Variants in GLDC observed in about 807,000 individuals in gnomAD.
The protein encoded by GLDC is glycine dehydrogenase (decarboxylating), mitochondrial.
GLDC carries 104 observed loss-of-function variants against 121.3 expected under a neutral mutation model. That is an observed-to-expected ratio of 0.86 (90% CI 0.73 to 1.01). The LOEUF is 1.01. GLDC is among the 50% of genes least tolerant of loss of function. The probability of loss-of-function intolerance (pLI) is 0.00; values close to 1 mark genes in which losing one functional copy is unlikely to be tolerated. For synonymous variants in GLDC, 546 were observed against 480.6 expected (o/e 1.14, Z -1.78); for missense variants, 1,429 against 1,306.6 (o/e 1.09, Z -1.44).
At chr9:6,611,239 C>A (rs1346201407) in intron 3 of GLDC, among the ~76,000 whole-genome samples, 2 of 152,194 alleles carry the variant, frequency 1.3e-5, no homozygotes, top group Non-Finnish European at 2.9e-5. Context: ...AAGAATGTGG[C>A]TTTGGATATG....
chr9:6,532,677 A>G lies in GLDC; in HGVS notation c.*340T>C, dbSNP rs889934324. 1 of 316,084 alleles carries G rather than the reference A, an allele frequency of 3.2e-6. No individual in the cohort carries two copies. The highest frequency in any genetic ancestry group is 6.1e-6 in the Non-Finnish European group (1 of 164,264). 19.6% of individuals were successfully genotyped at this position (316,084 alleles called of 1,614,324 possible). ...CCACATGGACTCTTTTGGAACAAAA[A>G]AATGTCTATTAAGTCTCCAGGATAG... On this transcript the variant is annotated 3_prime_UTR_variant, in exon 25 of 25. Transcript: ENST00000321612.
rs367971072 is a variant in GLDC at position 6,606,584 on chromosome 9, T to C, written c.713+8A>G. 2.0e-6 allele frequency: 3 copies of C among 1,536,336 alleles called. No homozygotes were observed. The African/African-American group carries it at 4.1e-5, about 21-fold the overall frequency. ...TACTGAGTTTAAAACACGAATCAAA[T>C]TAATTACTTGGCTCGAGTCTGGACA... On this transcript the variant is annotated splice_region_variant and intron_variant, in intron 5 of 24. Transcript: ENST00000321612.
chr9:6,570,982 G>A (rs567700756), intron 15 of GLDC, among the ~76,000 whole-genome samples: 1 of 151,718 alleles, frequency 6.6e-6, no homozygotes, highest in East Asian at 1.9e-4. Context: ...TAAATATGAG[G>A]TGAATTTGTT....
chr9:6,628,313 G>A (rs1248743408), intron 2 of GLDC, among the ~76,000 whole-genome samples: 2 of 152,142 alleles, frequency 1.3e-5, no homozygotes, highest in African/African-American at 4.8e-5. Context: ...TGGGAAAAGG[G>A]AAAAAGAAAA....
Position 6,620,186 on chromosome 9 carries a change from T to C in GLDC, c.468A>G (p.Gly156=), listed in dbSNP as rs2129948789. Residue 156 remains glycine (G), a splice_region_variant and synonymous_variant, in exon 3 of 25, where the codon GGA becomes GGG. Transcript: ENST00000321612. The part of the protein sequence containing the change: ...TILRNLLENS[G]WITQYTPYQP... ...TCCTGAACTGAGAAATACATTACCA[T>C]CCTGAGTTCTCCAGTAAGTTCCGCA... The C allele has an allele frequency of 1.9e-6, 3 of 1,612,496 alleles. No individual in the cohort carries two copies. Among genetic ancestry groups the C allele is most frequent in the Non-Finnish European group, 2.5e-6 (3 of 1,179,716 alleles).
intron 2 of GLDC, among the ~76,000 whole-genome samples, chr9:6,622,634 C>T (rs956900670): frequency 2.0e-5 from 3 of 152,158 alleles, no homozygotes; most frequent in Admixed American, 2.0e-4. Flanking sequence ...TCCCAAAGTG[C>T]CGAGATGGCA....
intron 2 of GLDC, among the ~76,000 whole-genome samples, chr9:6,625,319 T>C (rs1819212179): frequency 6.6e-6 from 1 of 152,142 alleles, no homozygotes; most frequent in Admixed American, 6.5e-5. Flanking sequence ...AATATGGCCT[T>C]GCAGTCACGT....
At chr9:6,631,698 G>A (rs1819379977) in intron 2 of GLDC, among the ~76,000 whole-genome samples, 1 of 152,200 alleles carries the variant, frequency 6.6e-6, no homozygotes, top group Non-Finnish European at 1.5e-5. Flanking sequence ...GCAAGAACAA[G>A]AAGGGAAGAC....
At position 6,592,746 on chromosome 9, in the gene GLDC, C is replaced by T. The variant is rs1176888910; in HGVS notation, c.1401+105G>A. 2.8e-6 allele frequency: 3 copies of T among 1,078,614 alleles called. No homozygotes were observed. The African/African-American group carries it at 4.8e-5, about 17-fold the overall frequency. 66.8% of individuals were successfully genotyped at this position (1,078,614 alleles called of 1,614,324 possible). On this transcript the variant is annotated intron_variant, in intron 10 of 24. Transcript: ENST00000321612. ...TTGTTTATGAAAAAATAGGACTGTG[C>T]CTAAAGTTTTCCTTTTTATTTTTTA... is the stretch of plus-strand genomic sequence containing the variant.
rs574489924 is a variant in GLDC at position 6,587,898 on chromosome 9, A to G, written c.1707+503T>C. 2.8e-3 allele frequency among the ~76,000 whole-genome samples: 433 copies of G among 152,294 alleles called. 3 individuals are homozygous for G. The highest frequency in any genetic ancestry group is 9.8e-3 in the African/African-American group (407 of 41,552). ...CACTTCAGAATAAACGTAAGAAATG[A>G]AAGAAAGAAAAAAAAAGCTTCGCTA... On this transcript the variant is annotated intron_variant, in intron 14 of 24. Coordinates refer to ENST00000321612, the MANE Select transcript of GLDC (RefSeq NM_000170.3).
chr9:6,540,840 G>C (rs552108960), intron 21 of GLDC: 8 of 152,404 alleles, frequency 5.2e-5, no homozygotes, highest in African/African-American at 1.7e-4. Flanking sequence ...CTTTATTTGA[G>C]CCTCATGTGG....
chr9:6,642,184 C>T (rs769266654), intron 2 of GLDC, among the ~76,000 whole-genome samples: 1 of 152,164 alleles, frequency 6.6e-6, no homozygotes, highest in Non-Finnish European at 1.5e-5. Flanking sequence ...CTGCGTGAAT[C>T]ATCCCAAACT....
intron 15 of GLDC, among the ~76,000 whole-genome samples, chr9:6,571,639 C>G (rs563230256): frequency 4.6e-5 from 7 of 152,264 alleles, no homozygotes; most frequent in Non-Finnish European, 1.0e-4. Flanking sequence ...GGACAAAGGG[C>G]TGATTTACAT....
At chr9:6,589,856 G>T (rs60874990) in intron 11 of GLDC, among the ~76,000 whole-genome samples, 1 of 152,030 alleles carries the variant, frequency 6.6e-6, no homozygotes, top group African/African-American at 2.4e-5. Flanking sequence ...GGAGATCGAG[G>T]CCATCCTGGC....
At chr9:6,550,008 C>T (rs1482704289) in intron 21 of GLDC, among the ~76,000 whole-genome samples, 1 of 152,158 alleles carries the variant, frequency 6.6e-6, no homozygotes, top group Non-Finnish European at 1.5e-5. Context: ...TCCCCTATCC[C>T]ATCCTTCACT....
At chr9:6,552,910 T>C (rs186542269) in intron 20 of GLDC, among the ~76,000 whole-genome samples, 4 of 151,440 alleles carry the variant, frequency 2.6e-5, no homozygotes, top group Non-Finnish European at 5.9e-5. Context: ...ATTTCTGCTA[T>C]TTTTCATCTT....
intron 18 of GLDC, among the ~76,000 whole-genome samples, chr9:6,555,147 C>T (rs1041961807): frequency 1.3e-5 from 2 of 152,198 alleles, no homozygotes; most frequent in Non-Finnish European, 2.9e-5. Flanking sequence ...GCAACTCTTC[C>T]CTGAGCAGCG....
At chr9:6,644,448 A>G (rs1819697254) in intron 2 of GLDC, 166 bp downstream of exon 2, 1 of 669,650 alleles carries the variant, frequency 1.5e-6, no homozygotes, top group Admixed American at 2.2e-5. Flanking sequence ...CGAGAACCAA[A>G]TATCCCACCT....
At chr9:6,554,833 T>A (rs1488637898) in intron 18 of GLDC, 52 bp from the exon 19 acceptor site, 1 of 1,386,052 alleles carries the variant, frequency 7.2e-7, no homozygotes, top group Non-Finnish European at 1.0e-6. Context: ...GGAAGCACCC[T>A]CCAGTGTGAA....
Sources: allele counts gnomAD v4.1 joint callset (sites outside exome capture counted in the v4.1 genomes callset), GRCh38; gene constraint gnomAD v4.1.1; transcripts MANE v1.5; gene names NCBI Gene and HGNC (gene_info 2026-07-23, HGNC 2026-07-21).